Variants in PIEZO2 observed in about 807,000 individuals in gnomAD.
The protein encoded by PIEZO2 is piezo-type mechanosensitive ion channel component 2.
Under a neutral mutation model 337.3 loss-of-function variants are expected in PIEZO2, and 172 were observed. The observed-to-expected ratio is 0.51, with a 90% CI of 0.45 to 0.58. The LOEUF (loss-of-function observed/expected upper bound fraction) is 0.58, where lower values mean the gene tolerates loss of function less well. Among genes scored for constraint, PIEZO2 ranks in the 20% least tolerant of loss-of-function variants. The pLI, the probability that PIEZO2 is intolerant of heterozygous loss-of-function variation, is 0.00. For synonymous variants in PIEZO2, 1,251 were observed against 1,228.5 expected (o/e 1.02, Z -0.38); for missense variants, 3,028 against 3,391.3 (o/e 0.89, Z 2.66).
chr18:11,029,059 AAATT>A (rs2036638527), intron 2 of PIEZO2, among the ~76,000 whole-genome samples: 1 of 152,230 alleles, frequency 6.6e-6, no homozygotes. Context: ...TAATAGCAAA[AAATT>A]AATTGGGAAT....
chr18:11,147,105 G>A (rs906613477), intron 1 of PIEZO2, among the ~76,000 whole-genome samples: 1 of 152,178 alleles, frequency 6.6e-6, no homozygotes, highest in African/African-American at 2.4e-5. Flanking sequence ...CTGTGTGTAA[G>A]GCACCTGAAG....
chr18:10,848,917 C>CT (rs2041448849), intron 7 of PIEZO2, among the ~76,000 whole-genome samples: 1 of 152,186 alleles, frequency 6.6e-6, no homozygotes, highest in African/African-American at 2.4e-5. Context: ...TACTTCAGAA[C>CT]TTTAAACTGA....
chr18:11,108,431 C>T (rs1259251062), intron 1 of PIEZO2, among the ~76,000 whole-genome samples: 1 of 149,664 alleles, frequency 6.7e-6, no homozygotes, highest in Non-Finnish European at 1.5e-5. Flanking sequence ...CTGGCTAACA[C>T]GGTGAAACCT....
chr18:10,782,698 C>T (rs9958847), intron 17 of PIEZO2, among the ~76,000 whole-genome samples: 125,950 of 150,562 alleles, frequency 0.84, 52,854 homozygotes, highest in East Asian at 0.93. Context: ...CAAGTCAGGA[C>T]TCATATCGGT....
chr18:11,082,920 A>T (rs558057652), intron 1 of PIEZO2, among the ~76,000 whole-genome samples: 1 of 152,204 alleles, frequency 6.6e-6, no homozygotes, highest in Non-Finnish European at 1.5e-5. Flanking sequence ...ATTTGATTCT[A>T]TCATATTATA....
rs549162091 is a variant in PIEZO2 at position 11,127,013 on chromosome 18, A to G, written c.64+21512T>C. 1.3e-3 allele frequency among the ~76,000 whole-genome samples: 199 copies of G among 152,292 alleles called. 1 individual carries two copies. The Middle Eastern group carries it at 0.014, about 10-fold the overall frequency. ...CACTGTGGGTACAGCAGGGAATAAG[A>G]CAGAGAGTGGGAGCTTGTTTTCCTG... On this transcript the variant is annotated intron_variant, in intron 1 of 55. Coordinates refer to ENST00000674853, the MANE Select transcript of PIEZO2 (RefSeq NM_001378183.1). This position sits in a 1 kb window ranked among gnomAD's most constrained non-coding sequence, Gnocchi z 4.5.
rs1310041745 is a variant in PIEZO2 at position 10,691,166 on chromosome 18, A to T, written c.7349+59T>A. ...CCTTACTTCCCAGTTGGGAATCAAA[A>T]TGCCTTTCCACCGCTATTCTTCCCC... On this transcript the variant is annotated intron_variant, in intron 48 of 55. Transcript: ENST00000674853. 9 of 1,547,316 alleles carry T rather than the reference A, an allele frequency of 5.8e-6. No homozygotes were observed. In the East Asian group the frequency reaches 1.6e-4, roughly 28 times the overall value.
At chr18:10,753,782 C>T in intron 27 of PIEZO2, among the ~76,000 whole-genome samples, 1 of 152,078 alleles carries the variant, frequency 6.6e-6, no homozygotes, top group Admixed American at 6.5e-5. Context: ...TTAAGTTGTG[C>T]CTTGGTACAT....
chr18:10,897,864 G>A (rs563169458), intron 4 of PIEZO2, among the ~76,000 whole-genome samples: 49 of 152,198 alleles, frequency 3.2e-4, no homozygotes, highest in African/African-American at 9.9e-4. Context: ...TCTAAAGTAC[G>A]CTTCCTTTTA....
intron 1 of PIEZO2, among the ~76,000 whole-genome samples, chr18:11,113,512 C>G (rs1412266535): frequency 6.6e-6 from 1 of 152,174 alleles, no homozygotes; most frequent in South Asian, 2.1e-4. Flanking sequence ...CATCCTTCTT[C>G]CTGCTCTGCC....
rs1191252800 is a variant in PIEZO2, at chr18:10,952,195, A to G, written c.286+27340T>C. On this transcript the variant is annotated intron_variant, in intron 3 of 55. Transcript: ENST00000674853. The surrounding 1 kb of genome is among the most constrained non-coding windows in gnomAD (Gnocchi z 4.1). ...GAGAGGAAAATTCCAATGTGTTACC[A>G]CTGTGGTCGCTGGCTCTTTTTAAAT... 6.6e-6 allele frequency among the ~76,000 whole-genome samples: 1 copy of G among 152,176 alleles called. No individual in the cohort carries two copies. Among genetic ancestry groups the G allele is most frequent in the Non-Finnish European group, 1.5e-5 (1 of 68,032 alleles).
At chr18:10,776,918 A>T (rs376004898) in intron 18 of PIEZO2, among the ~76,000 whole-genome samples, 3 of 152,244 alleles carry the variant, frequency 2.0e-5, no homozygotes, top group African/African-American at 7.2e-5. Flanking sequence ...TAAAGAACTT[A>T]TAAGACTTGT....
intron 7 of PIEZO2, among the ~76,000 whole-genome samples, chr18:10,823,884 G>C (rs772571025): frequency 1.3e-5 from 2 of 152,086 alleles, no homozygotes; most frequent in African/African-American, 4.8e-5. Flanking sequence ...GCACATATTC[G>C]CATTCTGCCA....
intron 3 of PIEZO2, among the ~76,000 whole-genome samples, chr18:10,922,510 G>A (rs536425421): frequency 1.3e-5 from 2 of 152,228 alleles, no homozygotes; most frequent in South Asian, 4.1e-4. Flanking sequence ...TAGGAACCAG[G>A]GGCTGAGCAG....
chr18:10,733,855 A>G (rs2036888838), intron 35 of PIEZO2, among the ~76,000 whole-genome samples: 2 of 152,344 alleles, frequency 1.3e-5, no homozygotes, highest in South Asian at 4.1e-4. Context: ...AAATACATGG[A>G]AATTTACATG....
At chr18:10,793,896 T>G (rs2039492943) in intron 13 of PIEZO2, among the ~76,000 whole-genome samples, 1 of 152,128 alleles carries the variant, frequency 6.6e-6, no homozygotes, top group Non-Finnish European at 1.5e-5. Flanking sequence ...CCCAAAAATC[T>G]GTTACGAAGA....
At position 10,856,210 on chromosome 18, in the gene PIEZO2, T is replaced by C. The variant is rs2041701167; in HGVS notation, c.704-644A>G. 6.6e-6 allele frequency among the ~76,000 whole-genome samples: 1 copy of C among 152,212 alleles called. No individual in the cohort carries two copies. Among genetic ancestry groups the C allele is most frequent in the Admixed American group, 6.5e-5 (1 of 15,288 alleles). On this transcript the variant is annotated intron_variant, in intron 6 of 55. Transcript: ENST00000674853. This position sits in a 1 kb window ranked among gnomAD's most constrained non-coding sequence, Gnocchi z 4.7. ...CACTGCTCCTGGCCAATAACTCCTT[T>C]AAAAGTGTTTTTAAGGAATCATAAA... is the stretch of plus-strand genomic sequence containing the variant.
rs999829013 is a variant in PIEZO2 at position 11,126,197 on chromosome 18, A to C, written c.64+22328T>G. Among the ~76,000 whole-genome samples the C allele has an allele frequency of 1.3e-5, 2 of 152,042 alleles. No individual in the cohort carries two copies. Among genetic ancestry groups the C allele is most frequent in the African/African-American group, 4.8e-5 (2 of 41,376 alleles). ...TGCTTTGGTTTAAAGTCTCCACCTC[A>C]CTTTTTTAAAGTCAATATTCCCAGT... is the stretch of plus-strand genomic sequence containing the variant. On this transcript the variant is annotated intron_variant, in intron 1 of 55. Transcript: ENST00000674853. The surrounding 1 kb of genome is among the most constrained non-coding windows in gnomAD (Gnocchi z 4.6).
chr18:11,061,081 G>A (rs535418705), intron 2 of PIEZO2, among the ~76,000 whole-genome samples: 2 of 152,240 alleles, frequency 1.3e-5, no homozygotes, highest in East Asian at 1.9e-4. Flanking sequence ...TTCATCCCTG[G>A]GATGCAAGGC....
Sources: allele counts gnomAD v4.1 joint callset (sites outside exome capture counted in the v4.1 genomes callset), GRCh38; gene constraint gnomAD v4.1.1; non-coding constraint Gnocchi (gnomAD v3.1); transcripts MANE v1.5; gene names NCBI Gene and HGNC (gene_info 2026-07-23, HGNC 2026-07-21).